Variants in KIAA1328 observed in about 807,000 individuals in gnomAD.
KIAA1328 encodes KIAA1328, also known as protein hinderin.
A neutral mutation model predicts 68.1 loss-of-function variants in KIAA1328; 52 were observed. The ratio of observed to expected loss-of-function variants is 0.76; its 90% CI spans 0.61 to 0.96. The LOEUF (loss-of-function observed/expected upper bound fraction) is 0.96. KIAA1328 is among the 40% of genes least tolerant of loss of function. The pLI, the probability that KIAA1328 is intolerant of heterozygous loss-of-function variation, is 0.00. For synonymous variants in KIAA1328, 232 were observed against 239.4 expected, an observed-to-expected ratio of 0.97 and a Z score of 0.28; for missense variants, 641 against 677.6, an observed-to-expected ratio of 0.95 and a Z score of 0.60.
intron 7 of KIAA1328, among the ~76,000 whole-genome samples, chr18:37,132,865 G>A (rs539342835): frequency 5.6e-4 from 85 of 152,208 alleles, no homozygotes; most frequent in Non-Finnish European, 9.7e-4. Context: ...GGGTGAAGGT[G>A]AAATAAACTA....
At chr18:37,072,545 T>C (rs531009598) in intron 7 of KIAA1328, among the ~76,000 whole-genome samples, 5 of 152,260 alleles carry the variant, frequency 3.3e-5, no homozygotes, top group African/African-American at 9.6e-5. Flanking sequence ...ATTTAGGAAG[T>C]TTTCTTCCTA....
intron 6 of KIAA1328, among the ~76,000 whole-genome samples, chr18:36,979,445 T>C (rs1310012243): frequency 6.6e-6 from 1 of 152,134 alleles, no homozygotes; most frequent in Non-Finnish European, 1.5e-5. Context: ...GGATCACAGC[T>C]AAAAGCATTT....
chr18:37,194,736 C>T (rs1023560392), intron 9 of KIAA1328, among the ~76,000 whole-genome samples: 1 of 152,174 alleles, frequency 6.6e-6, no homozygotes, highest in African/African-American at 2.4e-5. Flanking sequence ...TCTCGGCTCA[C>T]TGCAACCTCC....
chr18:36,901,941 G>C (rs1328118222), intron 5 of KIAA1328: 1 of 152,012 alleles, frequency 6.6e-6, no homozygotes, highest in African/African-American at 2.4e-5. Context: ...AACTACTATA[G>C]AGGTGGAGTT....
chr18:37,127,147 T>C (rs2058413250), intron 7 of KIAA1328, among the ~76,000 whole-genome samples: 1 of 152,236 alleles, frequency 6.6e-6, no homozygotes, highest in Non-Finnish European at 1.5e-5. Flanking sequence ...GATGTTATTA[T>C]CTACTTAGAA....
intron 7 of KIAA1328, among the ~76,000 whole-genome samples, chr18:37,111,284 G>T (rs956003221): frequency 6.6e-6 from 1 of 152,166 alleles, no homozygotes; most frequent in Non-Finnish European, 1.5e-5. Flanking sequence ...TCATTTTTCA[G>T]GAAAGCCTCA....
chr18:37,178,538 T>G (rs919270789), intron 9 of KIAA1328, among the ~76,000 whole-genome samples: 3 of 152,188 alleles, frequency 2.0e-5, no homozygotes, highest in African/African-American at 4.8e-5. Context: ...AGTGCTTCAG[T>G]AAACATGAAG....
chr18:36,866,724 A>C (rs953794665), intron 4 of KIAA1328, among the ~76,000 whole-genome samples: 2 of 152,162 alleles, frequency 1.3e-5, no homozygotes, highest in African/African-American at 4.8e-5. Context: ...GAGAATGACT[A>C]GGAGGCTGAA....
intron 6 of KIAA1328, among the ~76,000 whole-genome samples, chr18:36,998,063 C>T (rs1208849743): frequency 6.6e-6 from 1 of 152,120 alleles, no homozygotes; most frequent in Non-Finnish European, 1.5e-5. Context: ...GAGGGTCGCC[C>T]CACCCTGCCC....
At chr18:37,190,350 A>G (rs1281489695) in intron 9 of KIAA1328, among the ~76,000 whole-genome samples, 1 of 152,220 alleles carries the variant, frequency 6.6e-6, no homozygotes, top group Admixed American at 6.5e-5. Context: ...AATATGTGCT[A>G]TATTCTAAAA....
chr18:36,848,586 A>G (rs764287079), intron 4 of KIAA1328, among the ~76,000 whole-genome samples: 2 of 103,804 alleles, frequency 1.9e-5, no homozygotes, highest in African/African-American at 7.7e-5. Context: ...ATTGGGTAGT[A>G]CTTCCAGTAC....
At chr18:37,118,109 G>A (rs1313832144) in intron 7 of KIAA1328, among the ~76,000 whole-genome samples, 8 of 149,944 alleles carry the variant, frequency 5.3e-5, no homozygotes, top group South Asian at 2.1e-4. Context: ...ATCCTCCCAC[G>A]TCAGCTCCCC....
intron 9 of KIAA1328, among the ~76,000 whole-genome samples, chr18:37,191,550 C>G (rs1050147785): frequency 6.6e-6 from 1 of 152,272 alleles, no homozygotes; most frequent in Middle Eastern, 3.4e-3. Context: ...CATAGTATAT[C>G]AGCTGCTTCA....
chr18:36,838,127 A>C (rs1329406311), intron 3 of KIAA1328, among the ~76,000 whole-genome samples: 1 of 152,218 alleles, frequency 6.6e-6, no homozygotes, highest in Non-Finnish European at 1.5e-5. Flanking sequence ...TATTGCTAGT[A>C]TATAGAAATT....
chr18:37,014,745 C>T (rs1447103247), intron 6 of KIAA1328, among the ~76,000 whole-genome samples: 1 of 152,014 alleles, frequency 6.6e-6, no homozygotes, highest in Non-Finnish European at 1.5e-5. Flanking sequence ...GAAATCCATC[C>T]CCATAATACA....
chr18:36,920,489 C>G (rs1489537435), intron 5 of KIAA1328, among the ~76,000 whole-genome samples: 5 of 151,990 alleles, frequency 3.3e-5, no homozygotes, highest in Non-Finnish European at 4.4e-5. Flanking sequence ...TAGTGTGATG[C>G]CTCTGGTTTT....
At chr18:37,153,624 C>CTTT (rs772159270) in intron 7 of KIAA1328, among the ~76,000 whole-genome samples, 70 of 95,638 alleles carry the variant, frequency 7.3e-4, no homozygotes, top group African/African-American at 1.8e-3. Context: ...AATCCAATAG[C>CTTT]TTTTTTTTTT....
chr18:37,130,495 G>C (rs543848354), intron 7 of KIAA1328, among the ~76,000 whole-genome samples: 1 of 152,244 alleles, frequency 6.6e-6, no homozygotes, highest in East Asian at 1.9e-4. Context: ...GTGCACACCT[G>C]TAATCCCAGC....
chr18:36,976,315 G>A (rs977989494), intron 6 of KIAA1328, among the ~76,000 whole-genome samples: 2 of 152,178 alleles, frequency 1.3e-5, no homozygotes, highest in Non-Finnish European at 2.9e-5. Flanking sequence ...TAAGCTAGTC[G>A]TGACTGGGCT....
Sources: gnomAD v4.1 joint callset for allele counts (sites outside exome capture counted in the v4.1 genomes callset) on GRCh38, gnomAD v4.1.1 for gene constraint, MANE v1.5 for transcripts, NCBI Gene and HGNC (gene_info 2026-07-23, HGNC 2026-07-21) for gene names.